ZSCAN31: variants seen among roughly 807,000 people sequenced by gnomAD.
ZSCAN31 encodes zinc finger and SCAN domain-containing protein 31.
ZSCAN31 carries 14 observed loss-of-function variants against 22.5 expected under a neutral mutation model. That is an observed-to-expected ratio of 0.62 (90% CI 0.41 to 0.97). ZSCAN31 has a LOEUF of 0.97. Among genes scored for constraint, ZSCAN31 ranks in the 50% least tolerant of loss-of-function variants. ZSCAN31 has a pLI of 0.00. For missense variants in ZSCAN31, 424 were observed against 483.4 expected, an observed-to-expected ratio of 0.88 and a Z score of 1.15; for synonymous variants, 168 against 169.8, an observed-to-expected ratio of 0.99 and a Z score of 0.08.
upstream of ZSCAN31, chr6:28,355,298 G>GGTT (rs1456230788): frequency 4.6e-5 from 7 of 152,172 alleles, no homozygotes; most frequent in African/African-American, 1.4e-4. Context: ...CCAGTGTGTG[G>GGTT]GTTGTTACCC....
chr6:28,348,898 T>C lies in ZSCAN31; in HGVS notation c.-371+4964A>G, dbSNP rs537975113. Among the ~76,000 whole-genome samples the C allele has an allele frequency of 7.2e-5, 11 of 151,990 alleles. No individual in the cohort carries two copies. In the South Asian group the frequency reaches 8.3e-4, roughly 11 times the overall value. On this transcript the variant is annotated intron_variant, in intron 2 of 7. Transcript: ENST00000396838. Reference sequence around the variant, plus strand: ...CATATACAGGTGTATACACATGTCTTATATACATAGGTGTATATACATGTC... The same window carrying C: ...CATATACAGGTGTATACACATGTCTCATATACATAGGTGTATATACATGTC...
chr6:28,327,127 G>C (rs1373555831), intron 3 of ZSCAN31, among the ~76,000 whole-genome samples: 1 of 152,156 alleles, frequency 6.6e-6, no homozygotes, highest in African/African-American at 2.4e-5. Flanking sequence ...GGCAGGCACT[G>C]TTCTAAGTGT....
At chr6:28,354,539 C>G (rs1765293966), upstream of ZSCAN31, among the ~76,000 whole-genome samples, 1 of 152,152 alleles carries the variant, frequency 6.6e-6, no homozygotes, top group Non-Finnish European at 1.5e-5. Context: ...CACATAGGCT[C>G]TGGGCACACA....
At chr6:28,334,501 T>C (rs16893975) in intron 1 of ZSCAN31, among the ~76,000 whole-genome samples, 15,151 of 152,230 alleles carry the variant, frequency 0.1, 1,116 homozygotes, top group East Asian at 0.31. Flanking sequence ...AAAGAGATCA[T>C]GTAAATCACA....
chr6:28,348,210 G>A (rs1764731030), intron 2 of ZSCAN31, among the ~76,000 whole-genome samples: 1 of 151,990 alleles, frequency 6.6e-6, no homozygotes, highest in Non-Finnish European at 1.5e-5. Context: ...TTTTGATATA[G>A]TTTTAATTTT....
At chr6:28,336,636 T>C (rs1764186126), upstream of ZSCAN31, among the ~76,000 whole-genome samples, 1 of 152,192 alleles carries the variant, frequency 6.6e-6, no homozygotes, top group Admixed American at 6.5e-5. Context: ...TTAGGCTCTG[T>C]TGCGGTTAGA....
intron 2 of ZSCAN31, among the ~76,000 whole-genome samples, chr6:28,343,555 T>C (rs1420193408): frequency 6.9e-6 from 1 of 144,020 alleles, no homozygotes; most frequent in African/African-American, 2.6e-5. Flanking sequence ...TTTTTTTTTT[T>C]TTTTTTGAGA....
chr6:28,336,792 ATTC>A (rs1764197628), upstream of ZSCAN31: 1 of 152,130 alleles, frequency 6.6e-6, no homozygotes, highest in African/African-American at 2.4e-5. Context: ...ATACTTACCT[ATTC>A]TTCCCCGAGT....
chr6:28,327,327 A>G (rs1282111433), intron 3 of ZSCAN31, 56 bp downstream of exon 3: 15 of 1,594,494 alleles, frequency 9.4e-6, no homozygotes, highest in Non-Finnish European at 1.2e-5. Flanking sequence ...AGTCTTAACT[A>G]TCGCCCTATA....
intron 2 of ZSCAN31, 90 bp downstream of exon 2, chr6:28,329,213 T>C: frequency 6.9e-7 from 1 of 1,443,722 alleles, no homozygotes; most frequent in African/African-American, 1.4e-5. Flanking sequence ...AGAGAACTAA[T>C]ACATATAGCT....
upstream of ZSCAN31, chr6:28,354,273 C>T: frequency 3.8e-6 from 1 of 266,478 alleles, no homozygotes; most frequent in South Asian, 4.2e-5. Flanking sequence ...CAAGTATGAG[C>T]TTACACAAAC....
chr6:28,345,144 C>CAA lies in ZSCAN31; in HGVS notation c.-370-3354_-370-3353dup, dbSNP rs60598517. 3.1e-3 allele frequency among the ~76,000 whole-genome samples: 288 copies of CAA among 93,610 alleles called. 1 individual carries two copies. Among genetic ancestry groups the CAA allele is most frequent in the East Asian group, 9.5e-3 (30 of 3,164 alleles). 61.4% of individuals were successfully genotyped at this position (93,610 alleles called of 152,430 possible). On this transcript the variant is annotated intron_variant, in intron 2 of 7. Coordinates refer to the ZSCAN31 transcript ENST00000396838. ...CAGGCAACGCAGTGAAACTGTGTCT[C>CAA]AAAAAAAAAAAAAAAAGAAAAAGAA...
chr6:28,347,056 C>A lies in ZSCAN31; in HGVS notation c.-370-5264G>T, dbSNP rs1764675628. 6.6e-6 allele frequency among the ~76,000 whole-genome samples: 1 copy of A among 152,100 alleles called. No homozygotes were observed. Among genetic ancestry groups the A allele is most frequent in the Admixed American group, 6.5e-5 (1 of 15,272 alleles). On this transcript the variant is annotated intron_variant, in intron 2 of 7. Coordinates refer to the ZSCAN31 transcript ENST00000396838. The surrounding 1 kb of genome is among the most constrained non-coding windows in gnomAD (Gnocchi z 5.2). ...GCCTCACAGAAGGTTACCTTCCTTC[C>A]ACCTTATACCCCTTACATCAAGGCA...
At chr6:28,345,322 A>G (rs1262252522) in intron 2 of ZSCAN31, among the ~76,000 whole-genome samples, 1 of 152,142 alleles carries the variant, frequency 6.6e-6, no homozygotes, top group African/African-American at 2.4e-5. Flanking sequence ...TGAACAAATA[A>G]GCAGACAGAA....
chr6:28,354,738 G>C (rs902189708), upstream of ZSCAN31, among the ~76,000 whole-genome samples: 3 of 152,188 alleles, frequency 2.0e-5, no homozygotes, highest in African/African-American at 7.2e-5. Flanking sequence ...GTGTTGGGGC[G>C]GGCAACAACA....
chr6:28,330,340 A>G (rs1763644319), intron 1 of ZSCAN31, among the ~76,000 whole-genome samples: 1 of 152,212 alleles, frequency 6.6e-6, no homozygotes, highest in Admixed American at 6.5e-5. Context: ...CCATATACTT[A>G]TGTGCTAAAC....
At chr6:28,340,440 T>G (rs1020729230), upstream of ZSCAN31, among the ~76,000 whole-genome samples, 16 of 152,236 alleles carry the variant, frequency 1.1e-4, no homozygotes, top group African/African-American at 3.6e-4. Flanking sequence ...TCTTATGAGA[T>G]CTGAGGTTTT....
At position 28,349,177 on chromosome 6, in the gene ZSCAN31, GTATATATA is replaced by G. The variant is rs1223772690; in HGVS notation, c.-371+4677_-371+4684del. On this transcript the variant is annotated intron_variant, in intron 2 of 7. Transcript: ENST00000396838. This position sits in a 1 kb window ranked among gnomAD's most constrained non-coding sequence, Gnocchi z 4.1. ...ATATATATGTCTCATATATATAGGT[GTATATATA>G]TGTCTCATATATATAGGTGTATATA... Among the ~76,000 whole-genome samples the G allele has an allele frequency of 3.6e-5, 2 of 54,906 alleles. No individual in the cohort carries two copies. Among genetic ancestry groups the G allele is most frequent in the African/African-American group, 2.5e-4 (1 of 4,042 alleles). 36.0% of individuals were successfully genotyped at this position (54,906 alleles called of 152,430 possible). A position where few individuals can be genotyped will look rare whatever the true frequency, so the allele number is the denominator to read the frequency against.
At chr6:28,352,316 A>ATT (rs138730255) in intron 2 of ZSCAN31, among the ~76,000 whole-genome samples, 2 of 151,404 alleles carry the variant, frequency 1.3e-5, no homozygotes, top group East Asian at 1.9e-4. Context: ...GATTTAATTG[A>ATT]TTTTTTTTTC....
Sources: gnomAD v4.1 joint callset for allele counts (sites outside exome capture counted in the v4.1 genomes callset) on GRCh38, gnomAD v4.1.1 for gene constraint, Gnocchi (gnomAD v3.1) non-coding constraint, MANE v1.5 for transcripts, NCBI Gene and HGNC (gene_info 2026-07-23, HGNC 2026-07-21) for gene names.